The following FAM107B variants were observed in gnomAD, a reference collection of about 807,000 sequenced individuals.
FAM107B encodes protein FAM107B.
In FAM107B, 21 loss-of-function variants were observed where a neutral mutation model predicts 31.5. The ratio of observed to expected loss-of-function variants is 0.67; its 90% confidence interval spans 0.47 to 0.96. The LOEUF (loss-of-function observed/expected upper bound fraction) is 0.96, where lower values mean the gene tolerates loss of function less well. FAM107B is among the 40% of genes least tolerant of loss of function. FAM107B has a pLI of 0.00. For missense variants in FAM107B, 452 were observed against 377.1 expected, an observed-to-expected ratio of 1.20 and a Z score of -1.64; for synonymous variants, 157 against 141.5, an observed-to-expected ratio of 1.11 and a Z score of -0.78.
At chr10:14,580,360 A>AG (rs35370940) in intron 2 of FAM107B, among the ~76,000 whole-genome samples, 2 of 6,172 alleles carry the variant, frequency 3.2e-4, no homozygotes, top group Non-Finnish European at 7.3e-4. Flanking sequence ...ACTCCGTGCC[A>AG]AAAAAAAAAG....
intron 1 of FAM107B, among the ~76,000 whole-genome samples, chr10:14,734,291 A>G (rs1324109675): frequency 1.3e-5 from 2 of 152,128 alleles, no homozygotes; most frequent in African/African-American, 4.8e-5. Context: ...CCACACCAGA[A>G]CTGTCCCGCA....
At chr10:14,667,797 T>G (rs1156809648) in intron 1 of FAM107B, 106 bp from the exon 2 acceptor site, 8 of 1,168,538 alleles carry the variant, frequency 6.8e-6, no homozygotes, top group Middle Eastern at 2.0e-4. Context: ...AGATCAAGAC[T>G]TGAAAAACTT....
intron 2 of FAM107B, among the ~76,000 whole-genome samples, chr10:14,551,949 C>T (rs1588560929): frequency 1.3e-5 from 2 of 152,184 alleles, no homozygotes; most frequent in East Asian, 3.8e-4. Flanking sequence ...ACTGTGCTTC[C>T]TGTCTACTTT....
In FAM107B at chr10:14,647,040, T is replaced by C. The variant is rs111902337; in HGVS notation, c.469+20594A>G. 4.1e-3 allele frequency among the ~76,000 whole-genome samples: 629 copies of C among 152,118 alleles called. 4 individuals are homozygous for C. The highest frequency in any genetic ancestry group is 6.7e-3 in the Non-Finnish European group (452 of 67,964). On this transcript the variant is annotated intron_variant, in intron 2 of 4. Transcript: ENST00000181796. ...TGATCTCCTGACCTCGTGATCCGCC[T>C]GCCTCGGCCTCCCAAAGTGCTGGGA...
intron 2 of FAM107B, among the ~76,000 whole-genome samples, chr10:14,575,948 A>G (rs1475961004): frequency 6.6e-6 from 1 of 152,226 alleles, no homozygotes; most frequent in Non-Finnish European, 1.5e-5. Flanking sequence ...GCTACCACAT[A>G]GACAGGTCTT....
chr10:14,650,022 G>A (rs1853859612), intron 2 of FAM107B, among the ~76,000 whole-genome samples: 1 of 152,154 alleles, frequency 6.6e-6, no homozygotes, highest in Non-Finnish European at 1.5e-5. Context: ...CCTGGTCCGA[G>A]GTGGCTGCCA....
chr10:14,763,777 C>T (rs1588764752), intron 1 of FAM107B, among the ~76,000 whole-genome samples: 2 of 152,274 alleles, frequency 1.3e-5, no homozygotes, highest in Middle Eastern at 6.8e-3. Flanking sequence ...AAGCATCCAG[C>T]TTGGTCAAAA....
At chr10:14,615,436 C>CT (rs776598414) in intron 2 of FAM107B, among the ~76,000 whole-genome samples, 2 of 152,192 alleles carry the variant, frequency 1.3e-5, no homozygotes, top group South Asian at 4.1e-4. Flanking sequence ...GACATTAAGC[C>CT]TAGGCCTTGC....
At chr10:14,693,712 G>A (rs1588710594) in intron 1 of FAM107B, among the ~76,000 whole-genome samples, 1 of 151,984 alleles carries the variant, frequency 6.6e-6, no homozygotes, top group Admixed American at 6.6e-5. Flanking sequence ...GTTATCCTAC[G>A]TATCTGCTAC....
chr10:14,541,119 C>G (rs1848149369), intron 2 of FAM107B, among the ~76,000 whole-genome samples: 1 of 152,284 alleles, frequency 6.6e-6, no homozygotes, highest in South Asian at 2.1e-4. Context: ...ATAAACGCAT[C>G]TGAAAATCGC....
intron 1 of FAM107B, among the ~76,000 whole-genome samples, chr10:14,754,644 C>G (rs1832893751): frequency 6.6e-6 from 1 of 152,168 alleles, no homozygotes; most frequent in South Asian, 2.1e-4. Flanking sequence ...GTGGAAGGAG[C>G]TGGTCTTCGG....
At chr10:14,553,233 A>G (rs1032772004) in intron 2 of FAM107B, 1 of 504,756 alleles carries the variant, frequency 2.0e-6, no homozygotes, top group Non-Finnish European at 2.9e-6. Flanking sequence ...TTCAATAATT[A>G]TATCTGTTCA....
intron 2 of FAM107B, among the ~76,000 whole-genome samples, chr10:14,611,487 TATATATATATATATATATATATA>T (rs1852724124): frequency 1.7e-4 from 1 of 5,824 alleles, no homozygotes; most frequent in African/African-American, 2.4e-4. Context: ...GCCAGTTTTA[TATATATATATATATATATATATA>T]TATATATATA....
chr10:14,562,383 C>A (rs1046067255), intron 2 of FAM107B, among the ~76,000 whole-genome samples: 1 of 152,206 alleles, frequency 6.6e-6, no homozygotes, highest in Non-Finnish European at 1.5e-5. Flanking sequence ...AGCCACAGAA[C>A]AATACATTCA....
intron 2 of FAM107B, among the ~76,000 whole-genome samples, chr10:14,616,997 A>G (rs1852871201): frequency 6.6e-6 from 1 of 152,058 alleles, no homozygotes; most frequent in African/African-American, 2.4e-5. Flanking sequence ...CAGGTGGGTG[A>G]ATAAGAGAAG....
intron 1 of FAM107B, among the ~76,000 whole-genome samples, chr10:14,704,120 A>G (rs530923770): frequency 8.5e-5 from 13 of 152,372 alleles, no homozygotes; most frequent in African/African-American, 2.6e-4. Context: ...ATGCTCTGAC[A>G]GTACATCCAG....
chr10:14,525,198 C>G (rs1846096235), intron 3 of FAM107B, among the ~76,000 whole-genome samples: 1 of 152,170 alleles, frequency 6.6e-6, no homozygotes, highest in Non-Finnish European at 1.5e-5. Context: ...TCATAATTAA[C>G]TACAATACCA....
chr10:14,654,590 C>G (rs1266371052), intron 2 of FAM107B, among the ~76,000 whole-genome samples: 1 of 152,092 alleles, frequency 6.6e-6, no homozygotes, highest in East Asian at 1.9e-4. Flanking sequence ...AACAAAATAT[C>G]TGATTATGTA....
chr10:14,682,829 A>G (rs7893645), intron 1 of FAM107B, among the ~76,000 whole-genome samples: 83,795 of 151,754 alleles, frequency 0.55, 24,056 homozygotes, highest in South Asian at 0.68. Context: ...ACTATGGCAC[A>G]TGTATACCTA....
Sources: allele counts gnomAD v4.1 joint callset (sites outside exome capture counted in the v4.1 genomes callset), GRCh38; gene constraint gnomAD v4.1.1; transcripts MANE v1.5; gene names NCBI Gene and HGNC (gene_info 2026-07-23, HGNC 2026-07-21).